The following RARB variants were observed in gnomAD, a reference collection of about 807,000 sequenced individuals.
RARB encodes HBV-activated protein.
A neutral mutation model predicts 51.9 loss-of-function variants in RARB; 17 were observed. The observed-to-expected ratio is 0.33, with a 90% CI of 0.22 to 0.49. RARB has a LOEUF of 0.49. Ranked by LOEUF, RARB falls within the 20% of genes least tolerant of loss-of-function variation. The probability of loss-of-function intolerance (pLI) is 0.99; values close to 1 mark genes in which losing one functional copy is unlikely to be tolerated. For synonymous variants in RARB, 215 were observed against 195.4 expected, an observed-to-expected ratio of 1.10 and a Z score of -0.84; for missense variants, 369 against 550.8, an observed-to-expected ratio of 0.67 and a Z score of 3.30.
At chr3:24,976,560 T>A (rs184964183) in intron 2 of RARB, among the ~76,000 whole-genome samples, 25 of 152,316 alleles carry the variant, frequency 1.6e-4, no homozygotes, top group Non-Finnish European at 2.9e-4. Flanking sequence ...TGGCTGCATA[T>A]ATGTCTTCTT....
chr3:25,504,220 C>G (rs936365906), intron 3 of RARB, among the ~76,000 whole-genome samples: 3 of 152,202 alleles, frequency 2.0e-5, no homozygotes, highest in Admixed American at 1.3e-4. Context: ...TTCTCTTTGT[C>G]TCTCACAGCT....
intron 5 of RARB, among the ~76,000 whole-genome samples, chr3:25,264,059 A>T (rs1033003575): frequency 6.6e-6 from 1 of 152,086 alleles, no homozygotes; most frequent in African/African-American, 2.4e-5. Context: ...CAGCAGTTCA[A>T]TTAGTGGCAG....
chr3:25,006,402 G>A (rs1411469377), intron 2 of RARB, among the ~76,000 whole-genome samples: 1 of 152,112 alleles, frequency 6.6e-6, no homozygotes, highest in East Asian at 1.9e-4. Flanking sequence ...GATATGTAGT[G>A]GATACAGTTG....
chr3:25,199,220 C>T (rs1011421553), intron 5 of RARB, among the ~76,000 whole-genome samples: 3 of 151,746 alleles, frequency 2.0e-5, no homozygotes, highest in Non-Finnish European at 4.4e-5. Context: ...CACATGGTCT[C>T]ACTTATTTGA....
At chr3:25,533,650 G>T (rs2125646365) in intron 3 of RARB, among the ~76,000 whole-genome samples, 1 of 152,180 alleles carries the variant, frequency 6.6e-6, no homozygotes, top group African/African-American at 2.4e-5. Flanking sequence ...CTTTCATTCT[G>T]CCCAGTCATT....
intron 2 of RARB, among the ~76,000 whole-genome samples, chr3:25,467,627 A>C (rs999544495): frequency 1.8e-4 from 28 of 152,216 alleles, no homozygotes; most frequent in African/African-American, 6.8e-4. Context: ...CTAAGCTTGG[A>C]TTCTATGGAT....
intron 2 of RARB, among the ~76,000 whole-genome samples, chr3:24,880,372 CTG>C (rs1387245953): frequency 6.6e-6 from 1 of 151,990 alleles, no homozygotes; most frequent in South Asian, 2.1e-4. Context: ...CAACACGAAT[CTG>C]TAATTAATAT....
At chr3:25,268,552 G>A (rs879578341) in intron 5 of RARB, among the ~76,000 whole-genome samples, 1 of 152,176 alleles carries the variant, frequency 6.6e-6, no homozygotes, top group African/African-American at 2.4e-5. Context: ...AGAATTCAAG[G>A]AATGGAAGAA....
chr3:24,868,518 T>C (rs1172486705), intron 2 of RARB, among the ~76,000 whole-genome samples: 1 of 152,106 alleles, frequency 6.6e-6, no homozygotes, highest in Non-Finnish European at 1.5e-5. Flanking sequence ...CTGCATGGAC[T>C]CCTCCTCTTG....
chr3:25,064,772 A>C (rs560374700), intron 3 of RARB, among the ~76,000 whole-genome samples: 2 of 152,288 alleles, frequency 1.3e-5, no homozygotes, highest in South Asian at 4.1e-4. Context: ...GAGCCCCACA[A>C]TTTGAATTCC....
chr3:24,907,997 G>C (rs865794983), intron 2 of RARB, among the ~76,000 whole-genome samples: 1 of 152,106 alleles, frequency 6.6e-6, no homozygotes, highest in Admixed American at 6.5e-5. Context: ...GAAGGTCACC[G>C]GAGTGAGGGG....
chr3:24,915,061 G>A (rs1695076321), intron 2 of RARB, among the ~76,000 whole-genome samples: 1 of 152,218 alleles, frequency 6.6e-6, no homozygotes, highest in South Asian at 2.1e-4. Flanking sequence ...TCCAAACTGT[G>A]CACTTAGTGG....
chr3:25,262,742 T>C (rs542683878), intron 5 of RARB, among the ~76,000 whole-genome samples: 1 of 152,326 alleles, frequency 6.6e-6, no homozygotes, highest in African/African-American at 2.4e-5. Context: ...GGTCAGCCGG[T>C]TAGCAAGCTT....
At chr3:25,247,032 A>G (rs1247959100) in intron 5 of RARB, among the ~76,000 whole-genome samples, 1 of 152,216 alleles carries the variant, frequency 6.6e-6, no homozygotes, top group Non-Finnish European at 1.5e-5. Context: ...GAGAGGAGGA[A>G]TCTAGACAGG....
intron 2 of RARB, among the ~76,000 whole-genome samples, chr3:25,033,268 C>A (rs538213097): frequency 1.3e-5 from 2 of 152,108 alleles, no homozygotes. Flanking sequence ...GCAAGTGGAG[C>A]AAAGACAATT....
intron 2 of RARB, among the ~76,000 whole-genome samples, chr3:24,980,461 AT>A (rs1323552438): frequency 6.6e-6 from 1 of 150,910 alleles, no homozygotes; most frequent in Non-Finnish European, 1.5e-5. Flanking sequence ...TGGAGGCTTT[AT>A]TTGTTTCTCT....
intron 2 of RARB, among the ~76,000 whole-genome samples, chr3:25,478,825 T>C (rs941695277): frequency 6.6e-6 from 1 of 152,228 alleles, no homozygotes; most frequent in Non-Finnish European, 1.5e-5. Context: ...ATATCACTAT[T>C]CTCATATTGA....
chr3:25,569,987 C>G (rs1575528463), intron 4 of RARB, 69 bp downstream of exon 4: 7 of 505,764 alleles, frequency 1.4e-5, no homozygotes, highest in South Asian at 3.7e-5. Flanking sequence ...TGCAGACACA[C>G]ACACACACAC....
chr3:25,551,284 G>C lies in RARB; in HGVS notation c.449-18474G>C, dbSNP rs116555968. ...AGCCCATTTGAGCTCTAACAGTACT[G>C]TTTTTACTTTTTACTGTTCATTGTC... On this transcript the variant is annotated intron_variant, in intron 3 of 7. Coordinates refer to ENST00000330688, the MANE Select transcript of RARB (RefSeq NM_000965.5). Among the ~76,000 whole-genome samples, 867 of 152,264 alleles carry C rather than the reference G, an allele frequency of 5.7e-3. 6 individuals carry two copies. The highest frequency in any genetic ancestry group is 0.02 in the African/African-American group (828 of 41,552).
Sources: allele counts gnomAD v4.1 joint callset (sites outside exome capture counted in the v4.1 genomes callset), GRCh38; gene constraint gnomAD v4.1.1; transcripts MANE v1.5; gene names NCBI Gene and HGNC (gene_info 2026-07-23, HGNC 2026-07-21).